Variants in DNAI7 observed in about 807,000 individuals in gnomAD.
The protein encoded by DNAI7 is cancer susceptibility 1.
Under a neutral mutation model 86.6 loss-of-function variants are expected in DNAI7, and 78 were observed. The observed-to-expected ratio is 0.90, with a 90% CI of 0.75 to 1.09. DNAI7 has a LOEUF of 1.09. DNAI7 is among the 50% of genes least tolerant of loss of function. The probability of loss-of-function intolerance (pLI) is 0.00; values close to 1 mark genes in which losing one functional copy is unlikely to be tolerated. For missense variants in DNAI7, 753 were observed against 810.2 expected (o/e 0.93, Z 0.86); for synonymous variants, 274 against 273.0 (o/e 1.00, Z -0.04).
At chr12:25,151,330 T>C (rs140484483) in intron 6 of DNAI7, among the ~76,000 whole-genome samples, 324 of 152,370 alleles carry the variant, frequency 2.1e-3, no homozygotes, top group Admixed American at 4.2e-3. Context: ...AAGAGTTTAT[T>C]AAATAAATTT....
At chr12:25,175,477 A>G (rs1346823812) in intron 2 of DNAI7, among the ~76,000 whole-genome samples, 1 of 152,022 alleles carries the variant, frequency 6.6e-6, no homozygotes, top group Non-Finnish European at 1.5e-5. Flanking sequence ...CTCCTGCCTC[A>G]GCAGGATTAC....
chr12:25,118,395 C>T (rs1592216760), intron 12 of DNAI7, among the ~76,000 whole-genome samples: 1 of 152,066 alleles, frequency 6.6e-6, no homozygotes, highest in East Asian at 1.9e-4. Flanking sequence ...TGCGGAGTAG[C>T]TGGGATTACA....
intron 4 of DNAI7, among the ~76,000 whole-genome samples, chr12:25,156,515 G>A (rs1449748521): frequency 6.6e-6 from 1 of 152,168 alleles, no homozygotes; most frequent in African/African-American, 2.4e-5. Context: ...AGCACTTTGG[G>A]AGACAGAGGT....
intron 3 of DNAI7, among the ~76,000 whole-genome samples, chr12:25,159,775 T>C (rs1946628697): frequency 6.6e-6 from 1 of 152,120 alleles, no homozygotes; most frequent in African/African-American, 2.4e-5. Context: ...ATATTGTATT[T>C]GTATCAGGAG....
chr12:25,151,497 G>GT (rs1168721330), intron 6 of DNAI7, among the ~76,000 whole-genome samples: 2 of 151,884 alleles, frequency 1.3e-5, no homozygotes, highest in Non-Finnish European at 2.9e-5. Context: ...TTTTCTCATC[G>GT]TTTTTGCTAT....
intron 14 of DNAI7, among the ~76,000 whole-genome samples, chr12:25,110,491 G>A (rs1331477942): frequency 3.3e-5 from 5 of 152,008 alleles, no homozygotes; most frequent in South Asian, 2.1e-4. Flanking sequence ...ATTACCTGCC[G>A]ACCTCTTTTT....
downstream of DNAI7, chr12:25,108,140 G>A (rs1419906450): frequency 4.7e-6 from 7 of 1,490,448 alleles, no homozygotes; most frequent in Admixed American, 3.6e-5. Flanking sequence ...TTTTAGCTGG[G>A]AAAGTATAGC....
intron 2 of DNAI7, among the ~76,000 whole-genome samples, chr12:25,186,501 T>G (rs1283006598): frequency 6.6e-6 from 1 of 152,190 alleles, no homozygotes; most frequent in Non-Finnish European, 1.5e-5. Flanking sequence ...TAAACAAAAA[T>G]GATCACCACT....
intron 9 of DNAI7, among the ~76,000 whole-genome samples, chr12:25,133,128 A>G (rs1029287393): frequency 1.3e-5 from 2 of 150,254 alleles, no homozygotes; most frequent in Non-Finnish European, 3.0e-5. Flanking sequence ...TGAATAGTTC[A>G]GTTTGTTTTT....
intron 14 of DNAI7, 27 bp from the exon 15 acceptor site, chr12:25,110,267 G>T: frequency 1.5e-6 from 2 of 1,306,130 alleles, no homozygotes; most frequent in Admixed American, 1.7e-5. Flanking sequence ...AAATAGAATT[G>T]ATCTTTGAGC....
In DNAI7 at chr12:25,114,706, CTTTA is replaced by C. The variant is rs1565624847; in HGVS notation, c.1557_1560del (p.Asn519LysfsTer4). 7.4e-6 allele frequency: 12 copies of C among 1,613,700 alleles called. No homozygotes were observed. Among genetic ancestry groups the C allele is most frequent in the Non-Finnish European group, 1.0e-5 (12 of 1,179,730 alleles). ...AATACTGTAGTCACAGTTAAAAGTA[CTTTA>C]TTTACATCAAGTGGTCTTAGTTCCC... On this transcript the variant is annotated frameshift_variant, in exon 13 of 16. Coordinates refer to ENST00000395987, the MANE Select transcript of DNAI7 (RefSeq NM_018272.5). LOFTEE classifies it high-confidence loss of function.
intron 4 of DNAI7, among the ~76,000 whole-genome samples, chr12:25,157,809 A>C (rs1304383931): frequency 1.3e-5 from 2 of 150,758 alleles, no homozygotes; most frequent in Non-Finnish European, 2.9e-5. Context: ...GAAACTAAAA[A>C]AGGAGAGGTA....
At chr12:25,167,813 T>C (rs1015678063) in intron 2 of DNAI7, among the ~76,000 whole-genome samples, 3 of 152,136 alleles carry the variant, frequency 2.0e-5, no homozygotes, top group African/African-American at 7.2e-5. Context: ...TTTCTCCTTA[T>C]ATCAACTCTA....
chr12:25,156,710 T>C (rs1254321200), intron 4 of DNAI7, among the ~76,000 whole-genome samples: 2 of 151,538 alleles, frequency 1.3e-5, no homozygotes, highest in Non-Finnish European at 2.9e-5. Context: ...CATTGCACTC[T>C]AGCCTGGGTG....
intron 9 of DNAI7, among the ~76,000 whole-genome samples, chr12:25,135,134 G>A (rs1273225585): frequency 1.3e-5 from 2 of 152,166 alleles, no homozygotes; most frequent in African/African-American, 4.8e-5. Flanking sequence ...CCATGAGACA[G>A]CCAAAATACT....
chr12:25,187,361 T>C (rs1417234839), intron 2 of DNAI7, among the ~76,000 whole-genome samples: 1 of 152,184 alleles, frequency 6.6e-6, no homozygotes, highest in Non-Finnish European at 1.5e-5. Flanking sequence ...CTTAATCATA[T>C]TATATGAAAT....
chr12:25,124,598 G>A (rs1941833995), intron 9 of DNAI7, among the ~76,000 whole-genome samples: 2 of 152,124 alleles, frequency 1.3e-5, no homozygotes, highest in Non-Finnish European at 2.9e-5. Context: ...TTACCTAAAG[G>A]TAGTAAGTTT....
chr12:25,130,399 C>T (rs747363565), intron 9 of DNAI7, among the ~76,000 whole-genome samples: 16 of 151,722 alleles, frequency 1.1e-4, no homozygotes, highest in Admixed American at 6.6e-5. Flanking sequence ...TAGCCGGGCG[C>T]GGGGGCGGGT....
At chr12:25,155,847 C>T (rs555391739) in intron 4 of DNAI7, among the ~76,000 whole-genome samples, 1 of 152,238 alleles carries the variant, frequency 6.6e-6, no homozygotes, top group African/African-American at 2.4e-5. Flanking sequence ...CAGTGGCTCA[C>T]GCCTGTAATC....
Sources: allele counts gnomAD v4.1 joint callset (sites outside exome capture counted in the v4.1 genomes callset), GRCh38; gene constraint gnomAD v4.1.1; transcripts MANE v1.5; gene names NCBI Gene and HGNC (gene_info 2026-07-23, HGNC 2026-07-21).